Variants in CMIP observed in about 807,000 individuals in gnomAD.
The protein encoded by CMIP is C-Maf-inducing protein.
In CMIP, 13 loss-of-function variants were observed where a neutral mutation model predicts 97.3. That is an observed-to-expected ratio of 0.13 (90% confidence interval 0.09 to 0.21). The LOEUF (loss-of-function observed/expected upper bound fraction) is 0.21. Ranked by LOEUF, CMIP falls within the 10% of genes least tolerant of loss-of-function variation. The probability of loss-of-function intolerance (pLI) is 1.00; values close to 1 mark genes in which losing one functional copy is unlikely to be tolerated. For missense variants in CMIP, 847 were observed against 1,024.9 expected (o/e 0.83, Z 2.37); for synonymous variants, 538 against 436.3 (o/e 1.23, Z -2.91).
intron 1 of CMIP, among the ~76,000 whole-genome samples, chr16:81,462,314 G>T (rs1299087981): frequency 6.6e-6 from 1 of 152,130 alleles, no homozygotes; most frequent in Non-Finnish European, 1.5e-5. Flanking sequence ...GGATCCTTGG[G>T]CTGGCAAAAT....
chr16:81,527,147 C>T (rs1342666089), intron 1 of CMIP, among the ~76,000 whole-genome samples: 2 of 152,288 alleles, frequency 1.3e-5, no homozygotes, highest in South Asian at 2.1e-4. Context: ...CTCTCCAGCT[C>T]GTTGGCTCAA....
Position 81,670,161 on chromosome 16 carries a change from G to A in CMIP, c.845G>A (p.Arg282Gln), listed in dbSNP as rs753543941. The change falls in exon 8 of 21, where the codon CGA becomes CAA. Residue 282 changes from arginine to glutamine, a missense_variant. Arg to Gln is a conservative substitution (Grantham distance 43). Coordinates refer to ENST00000537098, the MANE Select transcript of CMIP (RefSeq NM_198390.3). Reference sequence around the variant, plus strand: ...CCACAGGACTTTGGGAAGTGCCCGCGACTGAGGCTGTTTACTCAGGAGTAC... The same window carrying A: ...CCACAGGACTTTGGGAAGTGCCCGCAACTGAGGCTGTTTACTCAGGAGTAC... ...KHNMDFGKCP[R>Q]LRLFTQEYIL... 5 of 1,609,776 alleles carry A rather than the reference G, an allele frequency of 3.1e-6. No homozygotes were observed. Among genetic ancestry groups the A allele is most frequent in the South Asian group, 1.1e-5 (1 of 89,760 alleles).
intron 1 of CMIP, among the ~76,000 whole-genome samples, chr16:81,575,429 G>C (rs1418953602): frequency 6.6e-6 from 1 of 152,178 alleles, no homozygotes; most frequent in African/African-American, 2.4e-5. Context: ...GAGCAGGGGT[G>C]ACACATGGCT....
At chr16:81,578,203 CCAT>C (rs1330109122) in intron 1 of CMIP, among the ~76,000 whole-genome samples, 1 of 151,568 alleles carries the variant, frequency 6.6e-6, no homozygotes, top group African/African-American at 2.4e-5. Context: ...GTCACCATCA[CCAT>C]CATCACCACC....
intron 1 of CMIP, among the ~76,000 whole-genome samples, chr16:81,508,080 C>G (rs2089743697): frequency 6.6e-6 from 1 of 152,218 alleles, no homozygotes. Flanking sequence ...CAGGAGCATT[C>G]CTCCCCCAAC....
chr16:81,706,929 A>T, intron 19 of CMIP, 85 bp from the exon 20 acceptor site: 1 of 1,160,428 alleles, frequency 8.6e-7, no homozygotes. Flanking sequence ...TGGCACCTGC[A>T]TTGAGCTCCT....
chr16:81,650,250 C>T (rs2092412076), intron 3 of CMIP, among the ~76,000 whole-genome samples: 1 of 152,188 alleles, frequency 6.6e-6, no homozygotes, highest in African/African-American at 2.4e-5. Flanking sequence ...CCCTCCCGCT[C>T]CCTGGGGAAT....
intron 1 of CMIP, among the ~76,000 whole-genome samples, chr16:81,522,875 T>A (rs2090055208): frequency 6.6e-6 from 1 of 152,004 alleles, no homozygotes. Flanking sequence ...AAAATATTTT[T>A]ACACACACAC....
At position 81,691,769 on chromosome 16, in the gene CMIP, T is replaced by C. The variant is rs1331526764; in HGVS notation, c.1389-6T>C. On this transcript the variant is annotated splice_polypyrimidine_tract_variant and splice_region_variant and intron_variant, in intron 10 of 20. Transcript: ENST00000537098. ...CAAAGCTGACTGTCACCCTCTCTCA[T>C]TCTAGGTCAGACTATGATGACTGGA... 1.2e-6 allele frequency: 2 copies of C among 1,613,466 alleles called. No individual in the cohort carries two copies. The highest frequency in any genetic ancestry group is 2.2e-5 in the South Asian group (2 of 91,002).
At chr16:81,676,347 A>G (rs1257951178) in intron 9 of CMIP, among the ~76,000 whole-genome samples, 1 of 151,212 alleles carries the variant, frequency 6.6e-6, no homozygotes, top group Non-Finnish European at 1.5e-5. Flanking sequence ...AAAGTCCGTC[A>G]TGTCCTCCAG....
rs148875500 is a variant in CMIP at position 81,589,385 on chromosome 16, C to G, written c.301-18182C>G. On this transcript the variant is annotated intron_variant, in intron 1 of 20. Transcript: ENST00000537098. ...ATGATGGGATTACAGGCATGAGCCA[C>G]CACACCTGGCCTTGTCTTGCTTTTC... 1.1e-3 allele frequency among the ~76,000 whole-genome samples: 170 copies of G among 152,340 alleles called. 1 individual carries two copies. The highest frequency in any genetic ancestry group is 4.0e-3 in the African/African-American group (166 of 41,586).
At position 81,621,325 on chromosome 16, in the gene CMIP, C is replaced by A. The variant is rs540078975; in HGVS notation, c.477+399C>A. ...TGTAAACTTAACAGAGATTCAAAAT[C>A]CTGAGCCCTATTTCTGTAGTCTTCA... is the stretch of plus-strand genomic sequence containing the variant. On this transcript the variant is annotated intron_variant, in intron 3 of 20. Transcript: ENST00000537098. The surrounding 1 kb of genome is among the most constrained non-coding windows in gnomAD (Gnocchi z 4.1). 1 of 172,564 alleles carries A rather than the reference C, an allele frequency of 5.8e-6. No individual in the cohort carries two copies. The highest frequency in any genetic ancestry group is 1.3e-5 in the Non-Finnish European group (1 of 78,968). The allele number at this position is 172,564 out of a possible 1,614,324, so 10.7% of individuals were successfully genotyped here.
chr16:81,607,622 T>C lies in CMIP; in HGVS notation c.356T>C (p.Leu119Pro), dbSNP rs368389935. 1.2e-6 allele frequency: 2 copies of C among 1,613,944 alleles called. No individual in the cohort carries two copies. Among genetic ancestry groups the C allele is most frequent in the Non-Finnish European group, 1.7e-6 (2 of 1,179,904 alleles). The stretch of plus-strand genomic sequence containing the variant: ...TACAGCGCAATTGAAGACGTTCAGC[T>C]GCTGTCCTGGGAGAATGCCCCGAAG... ...VSYSAIEDVQ[L>P]LSWENAPKYC... The change falls in exon 2 of 21, where the codon CTG becomes CCG. Residue 119 changes from leucine to proline, a missense_variant. By Grantham distance (98) the Leu-to-Pro change is moderately conservative. Around this residue, in one of 4 missense-constraint regions of CMIP, gnomAD observed 285 missense variants for 392.2 expected, o/e 0.73. Coordinates refer to ENST00000537098, the MANE Select transcript of CMIP (RefSeq NM_198390.3).
Position 81,445,471 on chromosome 16 carries a change from C to T in CMIP, c.230C>T (p.Thr77Ile). 1 of 1,564,036 alleles carries T rather than the reference C, an allele frequency of 6.4e-7. No homozygotes were observed. Among genetic ancestry groups the T allele is most frequent in the Non-Finnish European group, 8.7e-7 (1 of 1,154,406 alleles). ...HPRTFLSKIL[T>I]SKFLRRWEPH... ...CGGACCTTTCTCAGCAAGATCCTCACCTCGAAATTCCTGAGGCGCTGGGAG... is the reference window on the plus strand; with the variant it reads ...CGGACCTTTCTCAGCAAGATCCTCATCTCGAAATTCCTGAGGCGCTGGGAG... Residue 77 changes from threonine to isoleucine, a missense_variant, in exon 1 of 21, where the codon ACC (threonine) becomes ATC (isoleucine). Physicochemically the swap from Thr to Ile is moderately conservative, Grantham distance 89 (BLOSUM62 -1). Transcript: ENST00000537098.
At chr16:81,705,399 C>A (rs1908016239) in intron 18 of CMIP, 100 bp from the exon 19 acceptor site, 1 of 846,856 alleles carries the variant, frequency 1.2e-6, no homozygotes, top group Non-Finnish European at 1.9e-6. Context: ...GCCTCAGAGC[C>A]AGGCTCTGTC....
At chr16:81,664,624 C>G (rs1445041906) in intron 7 of CMIP, 4 of 580,666 alleles carry the variant, frequency 6.9e-6, no homozygotes, top group Non-Finnish European at 1.2e-5. Flanking sequence ...AAGAATAGGC[C>G]CAAATAATGT....
At chr16:81,458,425 C>G (rs1906694899) in intron 1 of CMIP, among the ~76,000 whole-genome samples, 1 of 152,194 alleles carries the variant, frequency 6.6e-6, no homozygotes, top group African/African-American at 2.4e-5. Context: ...AGGGCACCCT[C>G]TCTGGGCCAG....
In CMIP at chr16:81,569,541, C is replaced by G. The variant is rs566697948; in HGVS notation, c.301-38026C>G. Among the ~76,000 whole-genome samples, 7 of 152,336 alleles carry G rather than the reference C, an allele frequency of 4.6e-5. No homozygotes were observed. In the East Asian group the frequency reaches 1.4e-3, roughly 29 times the overall value. On this transcript the variant is annotated intron_variant, in intron 1 of 20. Transcript: ENST00000537098. Reference sequence around the variant, plus strand: ...CTGCCGAGACCTGCAGGAACTGATTCCACAGGACAGTCCTGCCAAGGAGGC... The same window carrying G: ...CTGCCGAGACCTGCAGGAACTGATTGCACAGGACAGTCCTGCCAAGGAGGC...
intron 1 of CMIP, among the ~76,000 whole-genome samples, chr16:81,582,907 G>C (rs2091320123): frequency 6.6e-6 from 1 of 152,180 alleles, no homozygotes; most frequent in Non-Finnish European, 1.5e-5. Context: ...ACACCATTCG[G>C]GGGCCAGCAG....
Sources: allele counts gnomAD v4.1 joint callset (sites outside exome capture counted in the v4.1 genomes callset), GRCh38; gene constraint gnomAD v4.1.1; regional missense constraint gnomAD v4.1.1; non-coding constraint Gnocchi (gnomAD v3.1); transcripts MANE v1.5; gene names NCBI Gene and HGNC (gene_info 2026-07-23, HGNC 2026-07-21).